The following KIF24 variants were observed in gnomAD, a reference collection of about 807,000 sequenced individuals.
KIF24 encodes kinesin family member 24.
In KIF24, 81 loss-of-function variants were observed where a neutral mutation model predicts 118.9. The observed-to-expected ratio is 0.68, with a 90% CI of 0.57 to 0.82. KIF24 has a LOEUF of 0.82. Ranked by LOEUF, KIF24 falls within the 40% of genes least tolerant of loss-of-function variation. The pLI is 0.00. For synonymous variants in KIF24, 599 were observed against 610.0 expected (o/e 0.98, Z 0.27); for missense variants, 1,560 against 1,661.6 (o/e 0.94, Z 1.06).
intron 3 of KIF24, among the ~76,000 whole-genome samples, chr9:34,299,720 C>T (rs1044353720): frequency 6.6e-6 from 1 of 151,462 alleles, no homozygotes; most frequent in Non-Finnish European, 1.5e-5. Flanking sequence ...TGAATCTATC[C>T]TATTCAGAGA....
At chr9:34,269,577 GC>G (rs1563940517) in intron 7 of KIF24, among the ~76,000 whole-genome samples, 1 of 151,796 alleles carries the variant, frequency 6.6e-6, no homozygotes, top group Non-Finnish European at 1.5e-5. Context: ...CCGCCACCAC[GC>G]CCGGCTAATT....
chr9:34,279,882 C>T (rs1264318019), intron 6 of KIF24, among the ~76,000 whole-genome samples: 1 of 152,182 alleles, frequency 6.6e-6, no homozygotes, highest in African/African-American at 2.4e-5. Flanking sequence ...CAGCTGGCTT[C>T]CTCCTTGTAC....
intron 4 of KIF24, among the ~76,000 whole-genome samples, chr9:34,292,559 GA>G (rs1836293501): frequency 6.6e-6 from 1 of 152,206 alleles, no homozygotes. Flanking sequence ...AGGGATGGGG[GA>G]GGCTGGAGGT....
intron 3 of KIF24, among the ~76,000 whole-genome samples, chr9:34,302,726 C>G (rs1836768345): frequency 6.6e-6 from 1 of 151,914 alleles, no homozygotes; most frequent in African/African-American, 2.4e-5. Context: ...CTCATCCTCC[C>G]AAAGTGCTGG....
intron 9 of KIF24, among the ~76,000 whole-genome samples, chr9:34,262,046 G>A (rs1835076344): frequency 6.6e-6 from 1 of 152,084 alleles, no homozygotes. Context: ...TAATCCTCCC[G>A]CCTCAGCCTC....
At chr9:34,321,078 T>C (rs1262365201) in intron 1 of KIF24, among the ~76,000 whole-genome samples, 2 of 152,306 alleles carry the variant, frequency 1.3e-5, no homozygotes, top group East Asian at 3.9e-4. Context: ...AGCACTGGTA[T>C]AACACATCAG....
At chr9:34,267,980 AAG>A (rs1835356225) in intron 8 of KIF24, among the ~76,000 whole-genome samples, 3 of 152,194 alleles carry the variant, frequency 2.0e-5, no homozygotes, top group Admixed American at 2.0e-4. Flanking sequence ...GAAAAAATGA[AAG>A]AGGGAATAAG....
At chr9:34,314,092 T>C (rs751218634) in intron 1 of KIF24, among the ~76,000 whole-genome samples, 1 of 151,710 alleles carries the variant, frequency 6.6e-6, no homozygotes, top group African/African-American at 2.4e-5. Flanking sequence ...CATTTTACAA[T>C]GTTGAGCCTC....
intron 3 of KIF24, among the ~76,000 whole-genome samples, 179 bp downstream of exon 3, chr9:34,306,073 G>A (rs1424674168): frequency 2.0e-5 from 3 of 151,994 alleles, no homozygotes. Context: ...AAAAAATGAA[G>A]GCCCTGGATA....
intron 3 of KIF24, among the ~76,000 whole-genome samples, chr9:34,304,709 C>G (rs921556634): frequency 1.3e-5 from 2 of 152,006 alleles, no homozygotes; most frequent in Non-Finnish European, 2.9e-5. Flanking sequence ...AATTTAGTAC[C>G]AGTAGAAAGA....
chr9:34,320,143 G>A (rs2131830549), intron 1 of KIF24, among the ~76,000 whole-genome samples: 1 of 152,176 alleles, frequency 6.6e-6, no homozygotes, highest in East Asian at 1.9e-4. Flanking sequence ...CCCCATTGAG[G>A]CAGATCGAGA....
chr9:34,267,649 T>A (rs1835344051), intron 8 of KIF24, among the ~76,000 whole-genome samples: 1 of 152,196 alleles, frequency 6.6e-6, no homozygotes, highest in Non-Finnish European at 1.5e-5. Context: ...TCCAAAATAT[T>A]ATTTCAGCAT....
chr9:34,308,489 G>A (rs747335392), intron 2 of KIF24, among the ~76,000 whole-genome samples: 8 of 152,080 alleles, frequency 5.3e-5, no homozygotes, highest in Non-Finnish European at 8.8e-5. Flanking sequence ...TAGCCATGTT[G>A]GCCAGGCTGA....
rs770860107 is a variant in KIF24, at chr9:34,256,344, G to T, written c.3263C>A (p.Pro1088Gln). 6 of 1,613,658 alleles carry T rather than the reference G, an allele frequency of 3.7e-6. No homozygotes were observed. The highest frequency in any genetic ancestry group is 5.1e-6 in the Non-Finnish European group (6 of 1,179,828). The change falls in exon 11 of 13, where the codon CCA becomes CAA. Residue 1088 changes from proline to glutamine, a missense_variant. Pro to Gln is a moderately conservative substitution (Grantham distance 76). Around this residue, in one of 3 missense-constraint regions of KIF24, gnomAD observed 591 missense variants for 655.6 expected, o/e 0.90. Coordinates refer to ENST00000402558, the MANE Select transcript of KIF24 (RefSeq NM_194313.4). Reference protein sequence around the residue: ...HSLVAESTGGPVVSHTVPSGD... With the variant: ...HSLVAESTGGQVVSHTVPSGD... ...AGATGGCACTGTGTGGCTCACAACTGGGCCCCCTGTGCTCTCTGCCACTAG... is the reference window on the plus strand; with the variant it reads ...AGATGGCACTGTGTGGCTCACAACTTGGCCCCCTGTGCTCTCTGCCACTAG...
In KIF24 at chr9:34,290,163, A is replaced by G; in HGVS notation, c.1127+11T>C. 1 of 1,586,950 alleles carries G rather than the reference A, an allele frequency of 6.3e-7. No homozygotes were observed. On this transcript the variant is annotated intron_variant, in intron 5 of 12. Transcript: ENST00000402558. ...TGAACAGATTTATCGCTTCCCACTC[A>G]TATTCAGTACCTTTTTCTTCTATTT...
chr9:34,318,367 C>CA lies in KIF24; in HGVS notation c.-25-6997dup, dbSNP rs1837397021. 1.7e-6 allele frequency: 1 copy of CA among 603,492 alleles called. No individual in the cohort carries two copies. The allele number at this position is 603,492 out of a possible 1,614,324, so 37.4% of individuals were successfully genotyped here. ...CCAACCCAGCTTGACCTAGCCCTGA[C>CA]AGGTCCATCGTGGTGCACGCAAACC... On this transcript the variant is annotated intron_variant, in intron 1 of 12. Coordinates refer to ENST00000402558, the MANE Select transcript of KIF24 (RefSeq NM_194313.4). The surrounding 1 kb of genome is among the most constrained non-coding windows in gnomAD (Gnocchi z 4.9).
chr9:34,271,816 A>C lies in KIF24; in HGVS notation c.1330T>G (p.Phe444Val). The change falls in exon 7 of 13, where the codon TTT becomes GTT. Residue 444 changes from phenylalanine to valine, a missense_variant. Physicochemically the swap from Phe to Val is conservative, Grantham distance 50. Coordinates refer to ENST00000402558, the MANE Select transcript of KIF24 (RefSeq NM_194313.4). ...CTGATATTTCCAGCTCACCTGCCAA[A>C]TGTCCTCTTGGCTGAATCTTTGATC... The part of the protein sequence containing the change: ...IQIKDSAKRT[F>V]GRISFIDLAG... 1 of 1,613,020 alleles carries C rather than the reference A, an allele frequency of 6.2e-7. No individual in the cohort carries two copies. The highest frequency in any genetic ancestry group is 1.1e-5 in the South Asian group (1 of 90,766).
In KIF24 at chr9:34,290,274, G is replaced by T; in HGVS notation, c.1027C>A (p.Gln343Lys). ...YALAAKDIFRQLEVSQPRKHL... is the reference protein window; with the variant it reads ...YALAAKDIFRKLEVSQPRKHL... Reference sequence around the variant, plus strand: ...TTTCTTGGCTGGGACACTTCTAGTTGCCTGAAGATATCTTTGGCAGCTAGA... The same window carrying T: ...TTTCTTGGCTGGGACACTTCTAGTTTCCTGAAGATATCTTTGGCAGCTAGA... Residue 343 changes from glutamine to lysine, a missense_variant, in exon 5 of 13, where the codon CAA (glutamine) becomes AAA (lysine). Transcript: ENST00000402558. The T allele has an allele frequency of 6.2e-7, 1 of 1,613,798 alleles. No homozygotes were observed. Among genetic ancestry groups the T allele is most frequent in the East Asian group, 2.2e-5 (1 of 44,880 alleles).
chr9:34,307,928 C>T (rs1320173218), intron 2 of KIF24, among the ~76,000 whole-genome samples: 11 of 149,948 alleles, frequency 7.3e-5, no homozygotes, highest in Non-Finnish European at 1.5e-5. Context: ...ATTCAGTGTT[C>T]TATTTTTTTC....
Sources: allele counts gnomAD v4.1 joint callset (sites outside exome capture counted in the v4.1 genomes callset), GRCh38; gene constraint gnomAD v4.1.1; regional missense constraint gnomAD v4.1.1; non-coding constraint Gnocchi (gnomAD v3.1); transcripts MANE v1.5; gene names NCBI Gene and HGNC (gene_info 2026-07-23, HGNC 2026-07-21).